LRRC53: variants seen among roughly 807,000 people sequenced by gnomAD.
LRRC53 encodes leucine-rich repeat-containing protein 53.
In LRRC53, 25 loss-of-function variants were observed where a neutral mutation model predicts 13.6. That is an observed-to-expected ratio of 1.83 (90% CI 1.34 to 2.56). The LOEUF (loss-of-function observed/expected upper bound fraction) is 2.56. Among genes scored for constraint, LRRC53 ranks in the 30% most tolerant of loss-of-function variants. LRRC53 has a pLI of 0.00. For synonymous variants in LRRC53, 204 were observed against 109.8 expected (o/e 1.86, Z -5.37); for missense variants, 527 against 275.8 (o/e 1.91, Z -6.45).
At chr1:74,475,123 C>CACAT (rs1163466503) in intron 4 of LRRC53, among the ~76,000 whole-genome samples, 172 bp downstream of exon 4, 1 of 147,308 alleles carries the variant, frequency 6.8e-6, no homozygotes, top group African/African-American at 2.6e-5. Context: ...AGCCCACACA[C>CACAT]ACACACACAC....
upstream of LRRC53, among the ~76,000 whole-genome samples, chr1:74,517,232 T>C (rs749824093): frequency 3.9e-5 from 6 of 152,166 alleles, no homozygotes; most frequent in Non-Finnish European, 7.4e-5. Flanking sequence ...ATTTTACAGA[T>C]GGGGACAAAA....
At chr1:74,535,119 ATTT>A in the LRRC53 span, among the ~76,000 whole-genome samples, 4 of 152,124 alleles carry the variant, frequency 2.6e-5, no homozygotes, top group Admixed American at 6.6e-5. Flanking sequence ...GGACTGTGTA[ATTT>A]CACTCTGCCT....
intron 1 of LRRC53, among the ~76,000 whole-genome samples, chr1:74,496,436 A>G (rs142171294): frequency 6.6e-6 from 1 of 152,298 alleles, no homozygotes; most frequent in Non-Finnish European, 1.5e-5. Context: ...AAAAATCAGT[A>G]CAAGGTTTTT....
chr1:74,512,244 AG>A (rs1670265574), intron 1 of LRRC53, among the ~76,000 whole-genome samples: 1 of 152,170 alleles, frequency 6.6e-6, no homozygotes, highest in Admixed American at 6.5e-5. Context: ...ACATGGAGCT[AG>A]GGATAATATG....
At chr1:74,510,536 T>C (rs568844570) in intron 1 of LRRC53, among the ~76,000 whole-genome samples, 11 of 152,194 alleles carry the variant, frequency 7.2e-5, no homozygotes, top group Admixed American at 6.5e-4. Context: ...AAAAAAATTA[T>C]TGAGAGATTG....
At chr1:74,527,851 A>G in the LRRC53 span, among the ~76,000 whole-genome samples, 1 of 152,222 alleles carries the variant, frequency 6.6e-6, no homozygotes, top group Non-Finnish European at 1.5e-5. Context: ...GCAGAATGTC[A>G]GAGTCCAAGT....
chr1:74,483,153 G>C (rs1668586564), intron 2 of LRRC53, 109 bp downstream of exon 2: 1 of 624,614 alleles, frequency 1.6e-6, no homozygotes, highest in Admixed American at 2.4e-5. Context: ...ACTCATTAAA[G>C]GGTTACCTCT....
rs1667858921 is a variant in LRRC53, at chr1:74,470,279, T to TTAC, written c.3342_3343insGTA (p.Gln1114_Thr1115insVal). 1.0e-5 allele frequency: 4 copies of TTAC among 400,712 alleles called. No homozygotes were observed. The highest frequency in any genetic ancestry group is 1.8e-5 in the Non-Finnish European group (4 of 226,178). The allele number at this position is 400,712 out of a possible 1,614,324, so 24.8% of individuals were successfully genotyped here. ...TTTTCACTTGTTCCATTTTCCCAAG[T>TTAC]TTGCTGCCTTTCTTTTGTGATGCCT... On this transcript the variant is annotated inframe_insertion, in exon 5 of 5. Transcript: ENST00000294635.
chr1:74,491,422 G>T (rs1669069800), intron 1 of LRRC53, among the ~76,000 whole-genome samples: 1 of 152,130 alleles, frequency 6.6e-6, no homozygotes, highest in South Asian at 2.1e-4. Context: ...GTTTCACCAT[G>T]TTGACCAGAT....
At chr1:74,474,256 G>C (rs1311157521) in intron 4 of LRRC53, among the ~76,000 whole-genome samples, 1 of 152,084 alleles carries the variant, frequency 6.6e-6, no homozygotes. Flanking sequence ...GAAAGGGTAA[G>C]TGCTTATTTC....
intron 3 of LRRC53, 133 bp downstream of exon 3, chr1:74,480,020 T>C: frequency 1.7e-6 from 1 of 606,056 alleles, no homozygotes; most frequent in Non-Finnish European, 2.9e-6. Context: ...GCTAATATCC[T>C]CCCACATCTA....
chr1:74,505,198 A>G (rs1190566661), intron 1 of LRRC53, among the ~76,000 whole-genome samples: 1 of 152,202 alleles, frequency 6.6e-6, no homozygotes, highest in Admixed American at 6.5e-5. Flanking sequence ...ACTTGGCCCA[A>G]AAATGCTGCT....
At chr1:74,513,066 A>T (rs534921774), upstream of LRRC53, among the ~76,000 whole-genome samples, 1 of 152,354 alleles carries the variant, frequency 6.6e-6, no homozygotes, top group East Asian at 1.9e-4. Flanking sequence ...GGGGCTGTTA[A>T]CAAAGTCAAG....
chr1:74,469,981 A>G lies in LRRC53; in HGVS notation c.3641T>C (p.Leu1214Ser), dbSNP rs866105500. 5.0e-6 allele frequency: 2 copies of G among 400,578 alleles called. No homozygotes were observed. Among genetic ancestry groups the G allele is most frequent in the African/African-American group, 4.1e-5 (2 of 48,724 alleles). 24.8% of individuals were successfully genotyped at this position (400,578 alleles called of 1,614,324 possible). The change falls in exon 5 of 5, where the codon TTA (leucine) becomes TCA (serine). Residue 1214 changes from leucine to serine, a missense_variant. By Grantham distance (145) the Leu-to-Ser change is moderately radical. Coordinates refer to ENST00000294635, the MANE Select transcript of LRRC53 (RefSeq NM_001382280.1). Reference protein sequence around the residue: ...DSFEAENEVFLVPSRINEAEN... With the variant: ...DSFEAENEVFSVPSRINEAEN... The stretch of plus-strand genomic sequence containing the variant: ...AGCTTCATTTATTCTGCTAGGAACT[A>G]AAAACACCTCATTTTCTGCCTCAAA...
chr1:74,485,596 A>G (rs997848520), intron 1 of LRRC53, among the ~76,000 whole-genome samples: 1 of 152,162 alleles, frequency 6.6e-6, no homozygotes, highest in Non-Finnish European at 1.5e-5. Context: ...ATGATGAGAT[A>G]TTACTCCCAT....
the LRRC53 span, among the ~76,000 whole-genome samples, chr1:74,533,875 G>A: frequency 6.6e-6 from 1 of 152,084 alleles, no homozygotes; most frequent in South Asian, 2.1e-4. Context: ...GAAGACATGT[G>A]CTATTATTAA....
intron 1 of LRRC53, among the ~76,000 whole-genome samples, chr1:74,512,236 A>G (rs1670265164): frequency 6.6e-6 from 1 of 152,200 alleles, no homozygotes; most frequent in African/African-American, 2.4e-5. Flanking sequence ...AGACTCAAAC[A>G]TGGAGCTAGG....
chr1:74,504,303 A>G (rs1432711872), intron 1 of LRRC53, among the ~76,000 whole-genome samples: 1 of 152,154 alleles, frequency 6.6e-6, no homozygotes, highest in Non-Finnish European at 1.5e-5. Flanking sequence ...GCTTGTTTTT[A>G]GCTGCCTTGC....
the LRRC53 span, among the ~76,000 whole-genome samples, chr1:74,534,817 G>T: frequency 6.6e-6 from 1 of 152,040 alleles, no homozygotes; most frequent in South Asian, 2.1e-4. Flanking sequence ...CTTAACGATG[G>T]GTTTATGTGA....
Sources: gnomAD v4.1 joint callset for allele counts (sites outside exome capture counted in the v4.1 genomes callset) on GRCh38, gnomAD v4.1.1 for gene constraint, MANE v1.5 for transcripts, NCBI Gene and HGNC (gene_info 2026-07-23, HGNC 2026-07-21) for gene names.